The following ANKRD36 variants were observed in gnomAD, a reference collection of about 807,000 sequenced individuals.
ANKRD36 encodes the protein ankyrin repeat domain 36.
ANKRD36 carries 179 observed loss-of-function variants against 278.1 expected under a neutral mutation model. The observed-to-expected ratio is 0.64, with a 90% confidence interval of 0.57 to 0.73. The LOEUF (loss-of-function observed/expected upper bound fraction) is 0.73. Ranked by LOEUF, ANKRD36 falls within the 30% of genes least tolerant of loss-of-function variation. The pLI is 0.00. For synonymous variants in ANKRD36, 320 were observed against 641.1 expected (o/e 0.50, Z 7.57); for missense variants, 1,159 against 1,956.7 (o/e 0.59, Z 7.69).
intron 67 of ANKRD36, among the ~76,000 whole-genome samples, chr2:97,227,162 GAA>G (rs1325771777): frequency 2.6e-5 from 4 of 152,120 alleles, no homozygotes; most frequent in African/African-American, 4.8e-5. Flanking sequence ...ATTCAGTGAA[GAA>G]AGTCTTTGGG....
At chr2:97,210,308 C>A (rs1558815297) in intron 56 of ANKRD36, among the ~76,000 whole-genome samples, 1 of 151,796 alleles carries the variant, frequency 6.6e-6, no homozygotes, top group Admixed American at 6.6e-5. Flanking sequence ...GGTGTAGCAA[C>A]TATTTTCCTA....
intron 62 of ANKRD36, among the ~76,000 whole-genome samples, chr2:97,216,148 C>T (rs1421173649): frequency 1.3e-5 from 2 of 151,952 alleles, no homozygotes; most frequent in African/African-American, 4.8e-5. Flanking sequence ...CACACTGACT[C>T]GTTACTCCTC....
At chr2:97,193,899 T>C (rs2059093620) in intron 38 of ANKRD36, among the ~76,000 whole-genome samples, 1 of 151,726 alleles carries the variant, frequency 6.6e-6, no homozygotes, top group Non-Finnish European at 1.5e-5. Context: ...AAGAATGATG[T>C]TGAATTCCAA....
chr2:97,194,066 G>C (rs1372635448), intron 38 of ANKRD36, among the ~76,000 whole-genome samples: 1 of 151,560 alleles, frequency 6.6e-6, no homozygotes, highest in Non-Finnish European at 1.5e-5. Flanking sequence ...TCCTTTGGTG[G>C]CAAGATTGGA....
At chr2:97,200,611 A>G (rs1380825251) in intron 46 of ANKRD36, 86 bp downstream of exon 46, 1 of 1,519,460 alleles carries the variant, frequency 6.6e-7, no homozygotes, top group Non-Finnish European at 8.8e-7. Context: ...GGCTGGTTGA[A>G]GCTGCACGTT....
At chr2:97,199,493 A>G (rs951479336) in intron 44 of ANKRD36, among the ~76,000 whole-genome samples, 12 of 151,934 alleles carry the variant, frequency 7.9e-5, no homozygotes, top group Non-Finnish European at 1.5e-5. Flanking sequence ...TATTTTAGAC[A>G]CAAGAATGAT....
intron 16 of ANKRD36, 83 bp downstream of exon 16, chr2:97,158,250 G>C: frequency 7.3e-7 from 1 of 1,365,382 alleles, no homozygotes; most frequent in Non-Finnish European, 1.0e-6. Context: ...TTTGTAGACA[G>C]AGTGTTACTC....
chr2:97,167,429 A>T (rs2051076164), intron 20 of ANKRD36, 148 bp from the exon 21 acceptor site: 1 of 870,530 alleles, frequency 1.1e-6, no homozygotes, highest in Non-Finnish European at 1.7e-6. Flanking sequence ...TTCTTTTGAC[A>T]TCACATTTTT....
intron 67 of ANKRD36, among the ~76,000 whole-genome samples, chr2:97,230,513 A>G (rs1337605147): frequency 1.3e-5 from 2 of 151,992 alleles, no homozygotes; most frequent in African/African-American, 2.4e-5. Context: ...ACTTCTCTGT[A>G]TTGGTTATTC....
intron 6 of ANKRD36, among the ~76,000 whole-genome samples, chr2:97,140,545 CAAAAT>C (rs953081666): frequency 6.6e-6 from 1 of 151,746 alleles, no homozygotes; most frequent in African/African-American, 2.4e-5. Context: ...AGCATAGAGA[CAAAAT>C]AAGAGACGAT....
At chr2:97,137,750 A>G (rs1304475399) in intron 6 of ANKRD36, among the ~76,000 whole-genome samples, 1 of 152,030 alleles carries the variant, frequency 6.6e-6, no homozygotes, top group Non-Finnish European at 1.5e-5. Flanking sequence ...CTATTTCTCC[A>G]CATCTGCTCC....
intron 40 of ANKRD36, 23 bp from the exon 41 acceptor site, chr2:97,196,570 T>A: frequency 6.2e-7 from 1 of 1,604,534 alleles, no homozygotes. Context: ...TATGACTGAT[T>A]ATGAATCCCT....
chr2:97,117,947 T>C, intron 1 of ANKRD36, 117 bp from the exon 2 acceptor site: 1 of 1,416,398 alleles, frequency 7.1e-7, no homozygotes, highest in South Asian at 1.5e-5. Flanking sequence ...TAATAAGCGC[T>C]AACAAATGTT....
chr2:97,204,304 T>A, intron 50 of ANKRD36, 41 bp downstream of exon 50: 5 of 1,526,348 alleles, frequency 3.3e-6, no homozygotes, highest in Non-Finnish European at 4.4e-6. Context: ...TCAGTGCAGA[T>A]AGATAAGAAG....
At position 97,201,245 on chromosome 2, in the gene ANKRD36, CT is replaced by C. The variant is rs761032970; in HGVS notation, c.2857+722del. Among the ~76,000 whole-genome samples the C allele has an allele frequency of 2.4e-4, 36 of 151,986 alleles. 7 individuals are homozygous for C. The highest frequency in any genetic ancestry group is 5.2e-4 in the Admixed American group (8 of 15,242). The stretch of plus-strand genomic sequence containing the variant: ...ATTTTAGTTATAGAAATGAGATAAA[CT>C]TGAATATGAATATGTTGGTTTCCTT... On this transcript the variant is annotated intron_variant, in intron 46 of 75. Transcript: ENST00000420699.
intron 6 of ANKRD36, among the ~76,000 whole-genome samples, chr2:97,138,633 T>TC (rs1224795423): frequency 6.6e-6 from 1 of 151,870 alleles, no homozygotes; most frequent in Admixed American, 6.6e-5. Flanking sequence ...GCCAAGACAA[T>TC]CCTAAGCAAA....
intron 64 of ANKRD36, among the ~76,000 whole-genome samples, chr2:97,218,032 C>T (rs2066425543): frequency 6.6e-6 from 1 of 152,066 alleles, no homozygotes; most frequent in African/African-American, 2.4e-5. Context: ...AACCACAGTG[C>T]CTCATTATTC....
At chr2:97,133,348 A>AT (rs2040660476) in intron 6 of ANKRD36, among the ~76,000 whole-genome samples, 1 of 152,066 alleles carries the variant, frequency 6.6e-6, no homozygotes, top group Admixed American at 6.6e-5. Context: ...TTTGGTGAAT[A>AT]TTTAACAGGT....
At chr2:97,129,560 G>A (rs2039524944) in intron 6 of ANKRD36, among the ~76,000 whole-genome samples, 1 of 152,058 alleles carries the variant, frequency 6.6e-6, no homozygotes, top group South Asian at 2.1e-4. Context: ...CCTATGTCCT[G>A]AATGGTATTG....
Sources: gnomAD v4.1 joint callset for allele counts (sites outside exome capture counted in the v4.1 genomes callset) on GRCh38, gnomAD v4.1.1 for gene constraint, MANE v1.5 for transcripts, NCBI Gene and HGNC (gene_info 2026-07-23, HGNC 2026-07-21) for gene names.